Variants in DACH1 observed in about 807,000 individuals in gnomAD.
DACH1 encodes the protein dachshund family transcription factor 1.
Under a neutral mutation model 54.2 loss-of-function variants are expected in DACH1, and 12 were observed. The ratio of observed to expected loss-of-function variants is 0.22; its 90% CI spans 0.14 to 0.36. The LOEUF is 0.36. Among genes scored for constraint, DACH1 ranks in the 10% least tolerant of loss-of-function variants. The pLI, the probability that DACH1 is intolerant of heterozygous loss-of-function variation, is 1.00. For missense variants in DACH1, 805 were observed against 929.8 expected, an observed-to-expected ratio of 0.87 and a Z score of 1.75; for synonymous variants, 386 against 366.2, an observed-to-expected ratio of 1.05 and a Z score of -0.62.
intron 1 of DACH1, among the ~76,000 whole-genome samples, chr13:71,865,442 C>T (rs1874668503): frequency 6.6e-6 from 1 of 152,178 alleles, no homozygotes; most frequent in Non-Finnish European, 1.5e-5. Flanking sequence ...CACGACCTCC[C>T]CCCGCCCCCG....
chr13:71,837,430 A>G (rs904080050), intron 1 of DACH1, among the ~76,000 whole-genome samples: 2 of 152,026 alleles, frequency 1.3e-5, no homozygotes, highest in Non-Finnish European at 2.9e-5. Flanking sequence ...ACTCTGCTGA[A>G]GTAGTGAGAG....
chr13:71,633,601 G>GAC (rs76720343), intron 2 of DACH1, among the ~76,000 whole-genome samples: 3,618 of 149,574 alleles, frequency 0.024, 94 homozygotes, highest in East Asian at 0.096. Flanking sequence ...GTGTGTCACT[G>GAC]ACACACACAC....
chr13:71,626,598 T>C (rs1344622902), intron 3 of DACH1, among the ~76,000 whole-genome samples: 2 of 152,006 alleles, frequency 1.3e-5, no homozygotes, highest in Admixed American at 1.3e-4. Context: ...TTCCTTCTTA[T>C]CTGCAATGTA....
intron 3 of DACH1, among the ~76,000 whole-genome samples, chr13:71,629,136 T>C (rs1217799435): frequency 6.6e-6 from 1 of 152,172 alleles, no homozygotes; most frequent in Non-Finnish European, 1.5e-5. Context: ...AGAATTATAA[T>C]TCTTGCATTT....
chr13:71,744,544 A>G (rs1012509912), intron 1 of DACH1, among the ~76,000 whole-genome samples: 1 of 152,166 alleles, frequency 6.6e-6, no homozygotes, highest in African/African-American at 2.4e-5. Context: ...CCACATAGGA[A>G]CCAGGAACAA....
At chr13:71,815,341 T>C (rs1297419068) in intron 1 of DACH1, among the ~76,000 whole-genome samples, 1 of 146,234 alleles carries the variant, frequency 6.8e-6, no homozygotes, top group African/African-American at 2.5e-5. Context: ...GCGGGGGGAG[T>C]AGCTGAGCGA....
chr13:71,800,553 A>G (rs1887251067), intron 1 of DACH1, among the ~76,000 whole-genome samples: 1 of 152,140 alleles, frequency 6.6e-6, no homozygotes, highest in Admixed American at 6.6e-5. Context: ...GCCTATAAAG[A>G]AAGTAGGTAC....
At chr13:71,628,593 A>G (rs566031466) in intron 3 of DACH1, among the ~76,000 whole-genome samples, 1 of 152,090 alleles carries the variant, frequency 6.6e-6, no homozygotes, top group Non-Finnish European at 1.5e-5. Context: ...AAACTAAAAA[A>G]TAGTAATATC....
chr13:71,585,766 C>T (rs868512383), intron 3 of DACH1, among the ~76,000 whole-genome samples: 25 of 152,094 alleles, frequency 1.6e-4, no homozygotes, highest in African/African-American at 6.0e-4. Flanking sequence ...AGTGATGTAT[C>T]AGATAGTCAG....
intron 6 of DACH1, among the ~76,000 whole-genome samples, chr13:71,509,935 G>A (rs921466020): frequency 2.0e-5 from 3 of 151,878 alleles, no homozygotes; most frequent in African/African-American, 7.3e-5. Flanking sequence ...GCTCATTCTA[G>A]TCAACTTTTT....
intron 2 of DACH1, among the ~76,000 whole-genome samples, chr13:71,654,219 G>C (rs900793693): frequency 6.6e-6 from 1 of 151,176 alleles, no homozygotes; most frequent in South Asian, 2.1e-4. Context: ...GTGAAACCTG[G>C]TCTTTACTAA....
chr13:71,553,890 A>G (rs1884066816), intron 6 of DACH1, among the ~76,000 whole-genome samples: 1 of 151,812 alleles, frequency 6.6e-6, no homozygotes. Context: ...TTCAGACCAC[A>G]GTGATTCTCA....
chr13:71,510,071 A>T (rs895009464), intron 6 of DACH1, among the ~76,000 whole-genome samples: 1 of 151,968 alleles, frequency 6.6e-6, no homozygotes, highest in East Asian at 1.9e-4. Context: ...CACATTGAAC[A>T]TTTCTTCATT....
rs1216548954 is a variant in DACH1, at chr13:71,779,122, CATATATACATATATACACAT to C, written c.848+86780_848+86799del. Among the ~76,000 whole-genome samples, 16 of 132,762 alleles carry C rather than the reference CATATATACATATATACACAT, an allele frequency of 1.2e-4. No homozygotes were observed. The South Asian group carries it at 2.9e-3, about 24-fold the overall frequency. The allele number at this position is 132,762 out of a possible 152,430, so 87.1% of individuals were successfully genotyped here. A position where few individuals can be genotyped will look rare whatever the true frequency, so the allele number is the denominator to read the frequency against. On this transcript the variant is annotated intron_variant, in intron 1 of 10. Coordinates refer to ENST00000613252, the MANE Select transcript of DACH1 (RefSeq NM_080759.6). ...GAATATATATATATACATATATACA[CATATATACATATATACACAT>C]ATATACACATATATACGTATATACG...
In DACH1 at chr13:71,866,832, G is replaced by A. The variant is rs1593669751; in HGVS notation, c.-63C>T. On this transcript the variant is annotated 5_prime_UTR_variant, in exon 1 of 11. Transcript: ENST00000613252. ...GAGGAAAAGTTGCCACACACCCCCG[G>A]GAGGGGAAGGGGAAAAAAGGGGGGA... 5.6e-6 allele frequency: 7 copies of A among 1,248,470 alleles called. No homozygotes were observed. The highest frequency in any genetic ancestry group is 7.1e-6 in the Non-Finnish European group (7 of 986,784). 77.3% of individuals were successfully genotyped at this position (1,248,470 alleles called of 1,614,324 possible).
In DACH1 at chr13:71,559,860, G is replaced by A; in HGVS notation, c.1395C>T (p.Ser465=). 1 of 1,613,636 alleles carries A rather than the reference G, an allele frequency of 6.2e-7. No homozygotes were observed. The highest frequency in any genetic ancestry group is 8.5e-7 in the Non-Finnish European group (1 of 1,179,864). The stretch of plus-strand genomic sequence containing the variant: ...AGCTCTCAGTCCGAGCAGGGGAGCT[G>A]GACACGCTGCTGCTGCGATGTGATG... ...HPSSHRSSSV[S]SSPARTESSS... Residue 465 remains serine, a synonymous_variant, in exon 5 of 11, where the codon TCC becomes TCT. Transcript: ENST00000613252.
chr13:71,472,214 A>G (rs1010471552), intron 10 of DACH1, among the ~76,000 whole-genome samples: 1 of 152,230 alleles, frequency 6.6e-6, no homozygotes, highest in African/African-American at 2.4e-5. Flanking sequence ...AAAATCAGCA[A>G]TAAAGAATCT....
chr13:71,533,523 A>G (rs970901355), intron 6 of DACH1, among the ~76,000 whole-genome samples: 1 of 152,024 alleles, frequency 6.6e-6, no homozygotes, highest in African/African-American at 2.4e-5. Flanking sequence ...TTTCCGGCCT[A>G]TATTAAATTC....
chr13:71,592,494 C>CAAAA (rs575364116), intron 3 of DACH1, among the ~76,000 whole-genome samples: 76 of 32,730 alleles, frequency 2.3e-3, no homozygotes, highest in African/African-American at 4.2e-3. Flanking sequence ...GACTCTATCT[C>CAAAA]AAAAAAAAAA....
Sources: gnomAD v4.1 joint callset for allele counts (sites outside exome capture counted in the v4.1 genomes callset) on GRCh38, gnomAD v4.1.1 for gene constraint, MANE v1.5 for transcripts, NCBI Gene and HGNC (gene_info 2026-07-23, HGNC 2026-07-21) for gene names.